Variants in SLC44A5 observed in about 807,000 individuals in gnomAD.
SLC44A5 encodes the protein solute carrier family 44 member 5.
Under a neutral mutation model 101.8 loss-of-function variants are expected in SLC44A5, and 57 were observed. The observed-to-expected ratio is 0.56, with a 90% CI of 0.45 to 0.70. The LOEUF (loss-of-function observed/expected upper bound fraction) is 0.70. Among genes scored for constraint, SLC44A5 ranks in the 30% least tolerant of loss-of-function variants. The pLI, the probability that SLC44A5 is intolerant of heterozygous loss-of-function variation, is 0.00. For synonymous variants in SLC44A5, 281 were observed against 290.9 expected (o/e 0.97, Z 0.35); for missense variants, 737 against 853.1 (o/e 0.86, Z 1.70).
chr1:75,618,945 C>G, the SLC44A5 span, among the ~76,000 whole-genome samples: 1 of 151,876 alleles, frequency 6.6e-6, no homozygotes, highest in Non-Finnish European at 1.5e-5. Context: ...TGGCAGGTAC[C>G]TGTAATCCCA....
intron 2 of SLC44A5, among the ~76,000 whole-genome samples, chr1:75,489,260 G>A (rs1319986023): frequency 2.0e-5 from 3 of 152,198 alleles, no homozygotes; most frequent in Non-Finnish European, 4.4e-5. Context: ...ATAAATTCAT[G>A]TGTGTGAGGA....
At chr1:75,422,150 T>C (rs572849435) in intron 2 of SLC44A5, among the ~76,000 whole-genome samples, 2 of 152,206 alleles carry the variant, frequency 1.3e-5, no homozygotes, top group African/African-American at 2.4e-5. Context: ...GGACATGAAA[T>C]GCCCTTTGAA....
At chr1:75,309,673 G>A (rs1458532779) in intron 4 of SLC44A5, among the ~76,000 whole-genome samples, 1 of 152,160 alleles carries the variant, frequency 6.6e-6, no homozygotes, top group Non-Finnish European at 1.5e-5. Flanking sequence ...CTGTGAAATA[G>A]TATAATAAGG....
At chr1:75,229,164 C>T (rs1647337794) in intron 12 of SLC44A5, among the ~76,000 whole-genome samples, 2 of 151,964 alleles carry the variant, frequency 1.3e-5, no homozygotes, top group African/African-American at 4.8e-5. Context: ...TATGGCCACC[C>T]TCAAGAGTTT....
At chr1:75,528,846 C>A (rs4141468) in intron 2 of SLC44A5, among the ~76,000 whole-genome samples, 135,387 of 152,186 alleles carry the variant, frequency 0.89, 60,497 homozygotes, top group East Asian at 0.96. Flanking sequence ...TTTGTATACA[C>A]TGGTTTCTCA....
the SLC44A5 span, among the ~76,000 whole-genome samples, chr1:75,711,089 CCCAAGACAG>C: frequency 1.2e-4 from 19 of 152,150 alleles, no homozygotes; most frequent in Non-Finnish European, 1.0e-4. Context: ...GACTTAAATT[CCCAAGACAG>C]CCAATCTGAT....
At chr1:75,233,640 C>A (rs1020208887) in intron 12 of SLC44A5, among the ~76,000 whole-genome samples, 1 of 152,010 alleles carries the variant, frequency 6.6e-6, no homozygotes, top group African/African-American at 2.4e-5. Context: ...GGCCTTTGAT[C>A]GGATAGAAAC....
rs899874968 is a variant in SLC44A5, at chr1:75,520,321, A to G, written c.13+21114T>C. Among the ~76,000 whole-genome samples the G allele has an allele frequency of 8.5e-5, 13 of 152,292 alleles. 1 individual carries two copies. The highest frequency in any genetic ancestry group is 3.1e-4 in the African/African-American group (13 of 41,558). Reference sequence around the variant, plus strand: ...CCAGCCTGGGCAACATAGTTAAACCATGTCTCTAAAAATTGTTTTTAAATT... The same window carrying G: ...CCAGCCTGGGCAACATAGTTAAACCGTGTCTCTAAAAATTGTTTTTAAATT... On this transcript the variant is annotated intron_variant, in intron 2 of 23. Transcript: ENST00000370859.
At chr1:75,354,741 C>T (rs1033268483) in intron 3 of SLC44A5, among the ~76,000 whole-genome samples, 1 of 152,180 alleles carries the variant, frequency 6.6e-6, no homozygotes, top group African/African-American at 2.4e-5. Context: ...AATCAACTTT[C>T]GAGCTCTTAA....
chr1:75,625,809 AT>A, the SLC44A5 span, among the ~76,000 whole-genome samples: 1 of 152,062 alleles, frequency 6.6e-6, no homozygotes, highest in African/African-American at 2.4e-5. Context: ...CAGCCTTCCA[AT>A]GTAAGAAACC....
Position 75,206,609 on chromosome 1 carries a change from A to G in SLC44A5, c.2048-2776T>C, listed in dbSNP as rs763575359. Reference sequence around the variant, plus strand: ...GAGTGACACTGTTTGGAGCTTTTCTACTCTTTCTGCTTCTGGGGAACTAGT... The same window carrying G: ...GAGTGACACTGTTTGGAGCTTTTCTGCTCTTTCTGCTTCTGGGGAACTAGT... On this transcript the variant is annotated intron_variant, in intron 23 of 23. Transcript: ENST00000370859. The G allele has an allele frequency of 2.5e-6, 4 of 1,588,556 alleles. No individual in the cohort carries two copies. The East Asian group carries it at 9.0e-5, about 36-fold the overall frequency.
intron 2 of SLC44A5, among the ~76,000 whole-genome samples, chr1:75,523,053 A>G (rs895326981): frequency 2.6e-5 from 4 of 152,196 alleles, no homozygotes; most frequent in African/African-American, 9.6e-5. Context: ...CCTAAGTTGC[A>G]TGTTTCTATT....
At chr1:75,621,499 A>G in the SLC44A5 span, among the ~76,000 whole-genome samples, 1 of 152,194 alleles carries the variant, frequency 6.6e-6, no homozygotes, top group Non-Finnish European at 1.5e-5. Context: ...CATGATTGCC[A>G]TGAATGTATG....
At chr1:75,269,824 T>A (rs764982225) in intron 6 of SLC44A5, among the ~76,000 whole-genome samples, 2 of 152,134 alleles carry the variant, frequency 1.3e-5, no homozygotes, top group Non-Finnish European at 2.9e-5. Flanking sequence ...TTGATATGGT[T>A]TGGCTGTATC....
At chr1:75,255,113 C>G (rs1649909570) in intron 6 of SLC44A5, among the ~76,000 whole-genome samples, 1 of 152,050 alleles carries the variant, frequency 6.6e-6, no homozygotes, top group South Asian at 2.1e-4. Flanking sequence ...CCTGTCACCC[C>G]ACATGGTGCA....
At chr1:75,703,762 G>A in the SLC44A5 span, among the ~76,000 whole-genome samples, 5 of 151,870 alleles carry the variant, frequency 3.3e-5, no homozygotes, top group Non-Finnish European at 7.4e-5. Context: ...CAGGTGCCAC[G>A]CCTGTTCAGT....
At chr1:75,591,205 C>T (rs191437078) in intron 1 of SLC44A5, among the ~76,000 whole-genome samples, 65 of 152,314 alleles carry the variant, frequency 4.3e-4, no homozygotes, top group East Asian at 7.7e-4. Flanking sequence ...AGAACCACAG[C>T]ATTACTGGCC....
At chr1:75,489,856 C>T (rs1668343246) in intron 2 of SLC44A5, among the ~76,000 whole-genome samples, 1 of 152,012 alleles carries the variant, frequency 6.6e-6, no homozygotes, top group Non-Finnish European at 1.5e-5. Context: ...ATAATTTGTA[C>T]CTACTAAATT....
the SLC44A5 span, among the ~76,000 whole-genome samples, chr1:75,623,396 C>A: frequency 6.6e-6 from 1 of 151,988 alleles, no homozygotes; most frequent in Admixed American, 6.6e-5. Flanking sequence ...GCTGAAAGGC[C>A]CAGGTAGGAA....
Sources: allele counts gnomAD v4.1 joint callset (sites outside exome capture counted in the v4.1 genomes callset), GRCh38; gene constraint gnomAD v4.1.1; transcripts MANE v1.5; gene names NCBI Gene and HGNC (gene_info 2026-07-23, HGNC 2026-07-21).